The following IGF2BP3 variants were observed in gnomAD, a reference collection of about 807,000 sequenced individuals.
The protein encoded by IGF2BP3 is insulin like growth factor 2 mRNA binding protein 3, also known as insulin-like growth factor 2 mRNA-binding protein 3.
Under a neutral mutation model 73.8 loss-of-function variants are expected in IGF2BP3, and 9 were observed. That is an observed-to-expected ratio of 0.12 (90% CI 0.07 to 0.21). The LOEUF is 0.21. Ranked by LOEUF, IGF2BP3 falls within the 10% of genes least tolerant of loss-of-function variation. IGF2BP3 has a pLI of 1.00. For missense variants in IGF2BP3, 542 were observed against 714.0 expected, an observed-to-expected ratio of 0.76 and a Z score of 2.75; for synonymous variants, 258 against 256.7, an observed-to-expected ratio of 1.01 and a Z score of -0.05.
intron 8 of IGF2BP3, 54 bp downstream of exon 8, chr7:23,345,886 A>G: frequency 1.3e-6 from 2 of 1,587,960 alleles, no homozygotes; most frequent in East Asian, 4.5e-5. Context: ...AATACACAAC[A>G]TGCAGCTTAC....
rs76219846 is a variant in IGF2BP3, at chr7:23,314,187, T to A, written c.1396-534A>T. Among the ~76,000 whole-genome samples the A allele has an allele frequency of 1.4e-4, 21 of 149,554 alleles. No individual in the cohort carries two copies. In the South Asian group the frequency reaches 2.1e-3, roughly 15 times the overall value. On this transcript the variant is annotated intron_variant, in intron 12 of 14. Coordinates refer to ENST00000258729, the MANE Select transcript of IGF2BP3 (RefSeq NM_006547.3). ...CATGCAACACCACACCTGACTTATTTTTTTTTTTTTTTTGAGACGGAGTCT... is the reference window on the plus strand; with the variant it reads ...CATGCAACACCACACCTGACTTATTATTTTTTTTTTTTTGAGACGGAGTCT...
chr7:23,364,849 G>C (rs987441133), intron 3 of IGF2BP3, among the ~76,000 whole-genome samples: 1 of 151,804 alleles, frequency 6.6e-6, no homozygotes, highest in Non-Finnish European at 1.5e-5. Flanking sequence ...GGAGGTAGTT[G>C]ACAGTTTAAT....
chr7:23,362,660 C>G (rs1054438195), intron 3 of IGF2BP3: 56 of 152,288 alleles, frequency 3.7e-4, no homozygotes, highest in African/African-American at 1.3e-3. Context: ...ATTCAGGTGT[C>G]CTTAGCTTCT....
intron 3 of IGF2BP3, among the ~76,000 whole-genome samples, chr7:23,401,536 A>G (rs1384694779): frequency 6.6e-6 from 1 of 151,892 alleles, no homozygotes; most frequent in East Asian, 1.9e-4. Context: ...AGGCCAAGGC[A>G]GGTGGATCAC....
In IGF2BP3 at chr7:23,310,770, AAAT is replaced by A. The variant is rs1174997413; in HGVS notation, c.*1589_*1591del. On this transcript the variant is annotated 3_prime_UTR_variant, in exon 15 of 15. Coordinates refer to ENST00000258729, the MANE Select transcript of IGF2BP3 (RefSeq NM_006547.3). ...CTAGTCTGTATAGAAATTCATCTTG[AAAT>A]AAGAATGAGGCAGTGATTTTTTTTT... The A allele has an allele frequency of 2.0e-5, 3 of 151,598 alleles. No homozygotes were observed. The highest frequency in any genetic ancestry group is 4.4e-5 in the Non-Finnish European group (3 of 68,012). The allele number at this position is 151,598 out of a possible 1,614,324, so 9.4% of individuals were successfully genotyped here. A position where few individuals can be genotyped will look rare whatever the true frequency, so the allele number is the denominator to read the frequency against.
chr7:23,355,836 G>C (rs1785082427), intron 5 of IGF2BP3, among the ~76,000 whole-genome samples: 1 of 151,958 alleles, frequency 6.6e-6, no homozygotes, highest in African/African-American at 2.4e-5. Context: ...GGAAGGCTGA[G>C]GCATGAGAAT....
rs181100493 is a variant in IGF2BP3, at chr7:23,393,450, C to T, written c.285+25326G>A. Among the ~76,000 whole-genome samples the T allele has an allele frequency of 1.5e-3, 225 of 152,206 alleles. 1 individual carries two copies. The highest frequency in any genetic ancestry group is 5.1e-3 in the African/African-American group (212 of 41,538). ...ATGTCAAGGACAGCTAAGATCCCACCCTGCAATAAGCACAGTTTAGACCTG... is the reference window on the plus strand; with the variant it reads ...ATGTCAAGGACAGCTAAGATCCCACTCTGCAATAAGCACAGTTTAGACCTG... On this transcript the variant is annotated intron_variant, in intron 3 of 14. Coordinates refer to ENST00000258729, the MANE Select transcript of IGF2BP3 (RefSeq NM_006547.3).
chr7:23,362,578 G>A (rs542526815), intron 3 of IGF2BP3: 14 of 152,314 alleles, frequency 9.2e-5, no homozygotes, highest in East Asian at 3.9e-4. Flanking sequence ...CAAATGGAGA[G>A]GCTGTTAGAA....
chr7:23,445,923 G>A (rs1190355451), intron 2 of IGF2BP3, among the ~76,000 whole-genome samples: 2 of 152,074 alleles, frequency 1.3e-5, no homozygotes, highest in Non-Finnish European at 2.9e-5. Context: ...ATTACATTTA[G>A]GTAGATAAGT....
At chr7:23,320,947 C>CAAAAAAAAAAAAAAAAAAA (rs70966008) in intron 10 of IGF2BP3, among the ~76,000 whole-genome samples, 23 of 96,366 alleles carry the variant, frequency 2.4e-4, no homozygotes, top group African/African-American at 4.5e-4. Context: ...AACTCTGTCT[C>CAAAAAAAAAAAAAAAAAAA]AAAAAAAAAA....
chr7:23,406,858 C>A (rs1019562885), intron 3 of IGF2BP3, among the ~76,000 whole-genome samples: 1 of 152,128 alleles, frequency 6.6e-6, no homozygotes, highest in Non-Finnish European at 1.5e-5. Context: ...TAGCTAGAAA[C>A]TGAGTGCTGA....
Position 23,464,146 on chromosome 7 carries a change from T to C in IGF2BP3, c.236+4336A>G, listed in dbSNP as rs559226622. Among the ~76,000 whole-genome samples the C allele has an allele frequency of 5.3e-5, 8 of 152,358 alleles. No homozygotes were observed. In the South Asian group the frequency reaches 1.4e-3, roughly 28 times the overall value. On this transcript the variant is annotated intron_variant, in intron 2 of 14. Coordinates refer to ENST00000258729, the MANE Select transcript of IGF2BP3 (RefSeq NM_006547.3). ...GGCAGCATTGAAGGATCATGTGCCC[T>C]GGCTAATGGGCACGTTGCTGGTCAT... is the stretch of plus-strand genomic sequence containing the variant.
chr7:23,355,996 T>A (rs961463540), intron 5 of IGF2BP3, among the ~76,000 whole-genome samples: 1 of 149,242 alleles, frequency 6.7e-6, no homozygotes, highest in Non-Finnish European at 1.5e-5. Flanking sequence ...TGGGCCTCAA[T>A]AGAGACAATA....
chr7:23,441,194 T>C (rs537549549), intron 2 of IGF2BP3, among the ~76,000 whole-genome samples: 2 of 152,088 alleles, frequency 1.3e-5, no homozygotes, highest in African/African-American at 4.8e-5. Context: ...AAGACACACA[T>C]CTTAAGGTGG....
rs1455926369 is a variant in IGF2BP3, at chr7:23,311,719, ACTT to A, written c.*640_*642del. 1 of 142,260 alleles carries A rather than the reference ACTT, an allele frequency of 7.0e-6. No individual in the cohort carries two copies. Among genetic ancestry groups the A allele is most frequent in the East Asian group, 2.1e-4 (1 of 4,818 alleles). 8.8% of individuals were successfully genotyped at this position (142,260 alleles called of 1,614,324 possible). A position where few individuals can be genotyped will look rare whatever the true frequency, so the allele number is the denominator to read the frequency against. On this transcript the variant is annotated 3_prime_UTR_variant, in exon 15 of 15. Transcript: ENST00000258729. ...AATTTATTTTTTAAAAAACGGTTGG[ACTT>A]CTATCATTATAAAGTATATAAAATT...
Position 23,312,819 on chromosome 7 carries a change from T to C in IGF2BP3, c.1557A>G (p.Ala519=), listed in dbSNP as rs371536088. 6.8e-6 allele frequency: 11 copies of C among 1,610,056 alleles called. No homozygotes were observed. In the African/African-American group the frequency reaches 1.5e-4, roughly 22 times the overall value. The change falls in exon 14 of 15, where the codon GCA becomes GCG. Residue 519 remains alanine (A), a synonymous_variant. Coordinates refer to ENST00000258729, the MANE Select transcript of IGF2BP3 (RefSeq NM_006547.3). ...TCTGGTCACGAGGGACAACAACTTCTGCACTTGACAAATTCTGAAGTTCAT... is the reference window on the plus strand; with the variant it reads ...TCTGGTCACGAGGGACAACAACTTCCGCACTTGACAAATTCTGAAGTTCAT... The part of the protein sequence containing the change: ...TVNELQNLSS[A]EVVVPRDQTP...
chr7:23,449,429 A>G (rs889281208), intron 2 of IGF2BP3, among the ~76,000 whole-genome samples: 15 of 152,014 alleles, frequency 9.9e-5, no homozygotes, highest in Admixed American at 3.3e-4. Flanking sequence ...AGGCAGGAAA[A>G]TGGCATGAAA....
chr7:23,463,681 G>A (rs1788499865), intron 2 of IGF2BP3, among the ~76,000 whole-genome samples: 2 of 152,182 alleles, frequency 1.3e-5, no homozygotes, highest in East Asian at 3.8e-4. Context: ...CTGGCTCCTG[G>A]CACATGTCAT....
chr7:23,432,401 C>T (rs1239099841), intron 2 of IGF2BP3, among the ~76,000 whole-genome samples: 1 of 152,144 alleles, frequency 6.6e-6, no homozygotes. Flanking sequence ...GTTAGGAAAA[C>T]CTAACACTGT....
Sources: gnomAD v4.1 joint callset for allele counts (sites outside exome capture counted in the v4.1 genomes callset) on GRCh38, gnomAD v4.1.1 for gene constraint, MANE v1.5 for transcripts, NCBI Gene and HGNC (gene_info 2026-07-23, HGNC 2026-07-21) for gene names.